The following FARS2 variants were observed in gnomAD, a reference collection of about 807,000 sequenced individuals.
FARS2 encodes phenylalanine--tRNA ligase, mitochondrial.
A neutral mutation model predicts 46.4 loss-of-function variants in FARS2; 40 were observed. That is an observed-to-expected ratio of 0.86 (90% CI 0.67 to 1.12). FARS2 has a LOEUF of 1.12. Ranked by LOEUF, FARS2 falls within the 50% of genes most tolerant of loss-of-function variation. The pLI is 0.00. For missense variants in FARS2, 513 were observed against 567.9 expected, an observed-to-expected ratio of 0.90 and a Z score of 0.98; for synonymous variants, 234 against 214.9, an observed-to-expected ratio of 1.09 and a Z score of -0.78.
At chr6:5,547,009 T>C (rs962771851) in intron 5 of FARS2, among the ~76,000 whole-genome samples, 2 of 152,008 alleles carry the variant, frequency 1.3e-5, no homozygotes, top group Non-Finnish European at 2.9e-5. Context: ...TGGAGTGCAA[T>C]GGCATGATCT....
intron 6 of FARS2, among the ~76,000 whole-genome samples, chr6:5,684,245 C>T (rs1044838830): frequency 1.3e-5 from 2 of 152,136 alleles, no homozygotes; most frequent in African/African-American, 4.8e-5. Flanking sequence ...AGGACCATCC[C>T]CGATGTGCCA....
intron 4 of FARS2, among the ~76,000 whole-genome samples, chr6:5,447,888 CT>C (rs1246981636): frequency 2.6e-5 from 4 of 152,218 alleles, no homozygotes; most frequent in Non-Finnish European, 5.9e-5. Context: ...TGGTATCAGG[CT>C]TGGAGGCAAG....
At chr6:5,484,330 C>T (rs1350380127) in intron 4 of FARS2, among the ~76,000 whole-genome samples, 2 of 152,138 alleles carry the variant, frequency 1.3e-5, no homozygotes, top group African/African-American at 4.8e-5. Context: ...TGATCTTCCT[C>T]ATCATGTATT....
chr6:5,511,544 AACAC>A (rs1319857869), intron 4 of FARS2, among the ~76,000 whole-genome samples: 2 of 152,242 alleles, frequency 1.3e-5, no homozygotes, highest in Admixed American at 1.3e-4. Flanking sequence ...GTAGAATAAA[AACAC>A]ACAAGCAGAC....
At chr6:5,616,734 C>A (rs1262329680) in intron 6 of FARS2, among the ~76,000 whole-genome samples, 1 of 152,096 alleles carries the variant, frequency 6.6e-6, no homozygotes, top group African/African-American at 2.4e-5. Flanking sequence ...AGATGCTCAA[C>A]CTACAGAAAA....
intron 5 of FARS2, chr6:5,609,093 G>T (rs1775017428): frequency 3.2e-6 from 2 of 622,048 alleles, no homozygotes; most frequent in East Asian, 6.4e-5. Context: ...ATGAGTATTT[G>T]TCTAAAATAT....
At chr6:5,492,465 A>G (rs542851160) in intron 4 of FARS2, among the ~76,000 whole-genome samples, 1 of 152,216 alleles carries the variant, frequency 6.6e-6, no homozygotes, top group Non-Finnish European at 1.5e-5. Flanking sequence ...AAATATTACT[A>G]TTTATTGCTG....
At chr6:5,651,301 T>C (rs1207785789) in intron 6 of FARS2, among the ~76,000 whole-genome samples, 1 of 152,194 alleles carries the variant, frequency 6.6e-6, no homozygotes, top group African/African-American at 2.4e-5. Flanking sequence ...AAGCTTCCTC[T>C]TGAAGTAGGG....
chr6:5,488,884 A>G (rs1269408549), intron 4 of FARS2, among the ~76,000 whole-genome samples: 1 of 152,024 alleles, frequency 6.6e-6, no homozygotes, highest in African/African-American at 2.4e-5. Context: ...GATTTCTTTT[A>G]ATGTTTTCAG....
intron 2 of FARS2, among the ~76,000 whole-genome samples, chr6:5,399,930 A>G (rs889729268): frequency 2.6e-5 from 4 of 152,156 alleles, no homozygotes; most frequent in Non-Finnish European, 5.9e-5. Flanking sequence ...CTACAATGAA[A>G]ATTTTGTGCA....
intron 1 of FARS2, among the ~76,000 whole-genome samples, chr6:5,303,980 C>T (rs943196303): frequency 6.6e-6 from 1 of 151,998 alleles, no homozygotes. Context: ...CCTGTGCGTC[C>T]GTAGAATGCT....
chr6:5,627,518 G>T (rs934533791), intron 6 of FARS2, among the ~76,000 whole-genome samples: 5 of 152,202 alleles, frequency 3.3e-5, no homozygotes, highest in Non-Finnish European at 7.3e-5. Context: ...TGCCTGTCCG[G>T]CAATGCACAT....
In FARS2 at chr6:5,722,369, C is replaced by T. The variant is rs73718391; in HGVS notation, c.1218-48922C>T. Among the ~76,000 whole-genome samples the T allele has an allele frequency of 6.1e-3, 934 of 152,278 alleles. 4 individuals are homozygous for T. The highest frequency in any genetic ancestry group is 0.021 in the African/African-American group (865 of 41,560). On this transcript the variant is annotated intron_variant, in intron 6 of 6. Coordinates refer to ENST00000274680, the MANE Select transcript of FARS2 (RefSeq NM_006567.5). Reference sequence around the variant, plus strand: ...GATATACAGTTTGACATAGACAAGACGTTTTTCTTGTAAAGGGGGAAGATA... The same window carrying T: ...GATATACAGTTTGACATAGACAAGATGTTTTTCTTGTAAAGGGGGAAGATA...
chr6:5,552,296 A>G (rs987682912), intron 5 of FARS2, among the ~76,000 whole-genome samples: 6 of 152,182 alleles, frequency 3.9e-5, no homozygotes, highest in Non-Finnish European at 5.9e-5. Flanking sequence ...ATTCTCTGCA[A>G]TCTCAGAGGT....
At chr6:5,505,300 G>C (rs1417696320) in intron 4 of FARS2, among the ~76,000 whole-genome samples, 1 of 152,160 alleles carries the variant, frequency 6.6e-6, no homozygotes, top group Non-Finnish European at 1.5e-5. Flanking sequence ...TGATACTTTA[G>C]TTCCTGTTGT....
intron 5 of FARS2, among the ~76,000 whole-genome samples, chr6:5,591,529 C>G (rs1037352187): frequency 1.3e-5 from 2 of 152,244 alleles, no homozygotes; most frequent in Non-Finnish European, 2.9e-5. Context: ...GATCCAGGTG[C>G]CTGCTGGCAT....
chr6:5,427,404 GTGAAAGAGGCAAATCTTAAAAAC>G (rs1269252865), intron 3 of FARS2, among the ~76,000 whole-genome samples: 2 of 152,230 alleles, frequency 1.3e-5, no homozygotes, highest in Non-Finnish European at 2.9e-5. Flanking sequence ...GTCTATTTAT[GTGAAAGAGGCAAATCTTAAAAAC>G]TGAAGAAGTC....
In FARS2 at chr6:5,331,883, A is replaced by G. The variant is rs141949929; in HGVS notation, c.-21-36667A>G. Among the ~76,000 whole-genome samples, 11 of 152,256 alleles carry G rather than the reference A, an allele frequency of 7.2e-5. No homozygotes were observed. The East Asian group carries it at 9.6e-4, about 13-fold the overall frequency. ...CCTATTGCCCGACATTGCTGAGATC[A>G]TTTATGATTTCCAAGAGAACTTGAG... On this transcript the variant is annotated intron_variant, in intron 1 of 6. Coordinates refer to ENST00000274680, the MANE Select transcript of FARS2 (RefSeq NM_006567.5).
intron 6 of FARS2, among the ~76,000 whole-genome samples, chr6:5,643,467 G>T (rs1776923724): frequency 6.6e-6 from 1 of 152,178 alleles, no homozygotes; most frequent in Non-Finnish European, 1.5e-5. Flanking sequence ...AAGCATGGAG[G>T]TCTGCTCCAG....
Sources: allele counts gnomAD v4.1 joint callset (sites outside exome capture counted in the v4.1 genomes callset), GRCh38; gene constraint gnomAD v4.1.1; transcripts MANE v1.5; gene names NCBI Gene and HGNC (gene_info 2026-07-23, HGNC 2026-07-21).